KCNQ5: variants seen among roughly 807,000 people sequenced by gnomAD.
The protein encoded by KCNQ5 is potassium voltage-gated channel subfamily Q member 5, also known as potassium voltage-gated channel subfamily KQT member 5.
A neutral mutation model predicts 98.2 loss-of-function variants in KCNQ5; 30 were observed. That is an observed-to-expected ratio of 0.31 (90% CI 0.23 to 0.41). The LOEUF is 0.41. Ranked by LOEUF, KCNQ5 falls within the 10% of genes least tolerant of loss-of-function variation. The pLI, the probability that KCNQ5 is intolerant of heterozygous loss-of-function variation, is 1.00. For missense variants in KCNQ5, 835 were observed against 1,182.5 expected, an observed-to-expected ratio of 0.71 and a Z score of 4.31; for synonymous variants, 458 against 449.4, an observed-to-expected ratio of 1.02 and a Z score of -0.24.
chr6:72,968,426 A>C (rs1767721634), intron 1 of KCNQ5, among the ~76,000 whole-genome samples: 1 of 151,958 alleles, frequency 6.6e-6, no homozygotes, highest in African/African-American at 2.4e-5. Context: ...ATCTCAAAGG[A>C]GGATAGACTT....
chr6:72,872,204 T>C (rs1479408884), intron 1 of KCNQ5, among the ~76,000 whole-genome samples: 1 of 152,228 alleles, frequency 6.6e-6, no homozygotes, highest in Non-Finnish European at 1.5e-5. Flanking sequence ...TTAGCATGTG[T>C]CTGAGTCATG....
intron 1 of KCNQ5, among the ~76,000 whole-genome samples, chr6:72,910,558 AGG>A (rs79662024): frequency 0.46 from 53,066 of 115,686 alleles, 10,530 homozygotes; most frequent in Admixed American, 0.5. Flanking sequence ...ATGGAAAGGT[AGG>A]GGGGTGTGTG....
At chr6:72,675,181 A>G (rs1017855224) in intron 1 of KCNQ5, among the ~76,000 whole-genome samples, 3 of 152,208 alleles carry the variant, frequency 2.0e-5, no homozygotes, top group Admixed American at 6.5e-5. Flanking sequence ...CAAAAGACTT[A>G]TATATTGGTA....
At chr6:73,176,520 C>T (rs773353982) in intron 11 of KCNQ5, among the ~76,000 whole-genome samples, 2 of 152,136 alleles carry the variant, frequency 1.3e-5, no homozygotes, top group African/African-American at 2.4e-5. Flanking sequence ...AATGGACTAA[C>T]GCAGTGCTTC....
chr6:72,804,620 A>G (rs943290673), intron 1 of KCNQ5, among the ~76,000 whole-genome samples: 3 of 152,144 alleles, frequency 2.0e-5, no homozygotes, highest in African/African-American at 7.2e-5. Flanking sequence ...AGTGTGCAAT[A>G]AACATGGGAG....
chr6:72,851,297 G>A (rs757293521), intron 1 of KCNQ5, among the ~76,000 whole-genome samples: 1 of 152,004 alleles, frequency 6.6e-6, no homozygotes, highest in Non-Finnish European at 1.5e-5. Context: ...TTAGTTCAAC[G>A]ACACTTTCTA....
chr6:72,730,514 G>A (rs145987226), intron 1 of KCNQ5, among the ~76,000 whole-genome samples: 66 of 152,080 alleles, frequency 4.3e-4, no homozygotes, highest in Middle Eastern at 3.4e-3. Context: ...TGTAAGATAG[G>A]GATTCAACTT....
rs377614299 is a variant in KCNQ5, at chr6:72,994,757, G to A, written c.399-9151G>A. The stretch of plus-strand genomic sequence containing the variant: ...TTAAGAAACAGTGAAAATATGAGAT[G>A]GGAAAATTGTTGGCTATTAATAAGT... On this transcript the variant is annotated intron_variant, in intron 1 of 13. Transcript: ENST00000370398. 3.9e-5 allele frequency among the ~76,000 whole-genome samples: 6 copies of A among 152,154 alleles called. No homozygotes were observed. In the South Asian group the frequency reaches 1.0e-3, roughly 26 times the overall value.
intron 10 of KCNQ5, among the ~76,000 whole-genome samples, chr6:73,143,790 G>A (rs1350914057): frequency 6.6e-6 from 1 of 152,202 alleles, no homozygotes; most frequent in Non-Finnish European, 1.5e-5. Flanking sequence ...CTCAGTTACA[G>A]TATTGATTGG....
At chr6:72,770,298 A>G (rs12213639) in intron 1 of KCNQ5, among the ~76,000 whole-genome samples, 33,952 of 152,084 alleles carry the variant, frequency 0.22, 4,241 homozygotes, top group South Asian at 0.37. Context: ...TGGACATGGT[A>G]CCTCAGTAAG....
intron 1 of KCNQ5, among the ~76,000 whole-genome samples, chr6:72,671,842 A>C (rs904593952): frequency 3.3e-5 from 5 of 151,844 alleles, no homozygotes; most frequent in African/African-American, 1.2e-4. Flanking sequence ...TTTGAGATGG[A>C]GTCTCGCTCT....
intron 1 of KCNQ5, among the ~76,000 whole-genome samples, chr6:72,887,019 G>C (rs1304528837): frequency 6.6e-6 from 1 of 152,070 alleles, no homozygotes; most frequent in Non-Finnish European, 1.5e-5. Context: ...TGAGCAAATA[G>C]ATGGAAAAAG....
At chr6:72,675,767 T>C (rs1458454999) in intron 1 of KCNQ5, among the ~76,000 whole-genome samples, 1 of 152,206 alleles carries the variant, frequency 6.6e-6, no homozygotes, top group African/African-American at 2.4e-5. Context: ...AAACTAAGCC[T>C]TAGGGTTTTA....
At chr6:73,074,023 C>A (rs1052422234) in intron 3 of KCNQ5, among the ~76,000 whole-genome samples, 1 of 152,138 alleles carries the variant, frequency 6.6e-6, no homozygotes, top group African/African-American at 2.4e-5. Context: ...TCCCAGTCAA[C>A]AAGCCATTGA....
At chr6:72,665,330 T>A in intron 1 of KCNQ5, among the ~76,000 whole-genome samples, 1 of 110,394 alleles carries the variant, frequency 9.1e-6, no homozygotes, top group African/African-American at 3.3e-5. Flanking sequence ...GACGACAGAG[T>A]AATACCCTGT....
chr6:72,988,116 G>A (rs940292970), intron 1 of KCNQ5, among the ~76,000 whole-genome samples: 11 of 152,180 alleles, frequency 7.2e-5, no homozygotes, highest in African/African-American at 2.7e-4. Flanking sequence ...TAAACATTCC[G>A]TCCCTGTTTG....
At chr6:73,178,700 TG>T (rs1282242240) in intron 11 of KCNQ5, among the ~76,000 whole-genome samples, 11 of 152,226 alleles carry the variant, frequency 7.2e-5, no homozygotes, top group African/African-American at 2.2e-4. Context: ...CAGGGACTCC[TG>T]GGGTTCCTTG....
chr6:73,159,434 G>A (rs371250468), intron 10 of KCNQ5, among the ~76,000 whole-genome samples: 2 of 152,082 alleles, frequency 1.3e-5, no homozygotes, highest in South Asian at 4.1e-4. Context: ...CAACAAACCT[G>A]AGTTTACCGA....
intron 10 of KCNQ5, 89 bp downstream of exon 10, chr6:73,133,730 GAAGA>G: frequency 9.0e-7 from 1 of 1,111,106 alleles, no homozygotes; most frequent in Non-Finnish European, 1.3e-6. Flanking sequence ...AGTGCCACTT[GAAGA>G]AAGAAGAAAA....
Sources: gnomAD v4.1 joint callset for allele counts (sites outside exome capture counted in the v4.1 genomes callset) on GRCh38, gnomAD v4.1.1 for gene constraint, MANE v1.5 for transcripts, NCBI Gene and HGNC (gene_info 2026-07-23, HGNC 2026-07-21) for gene names.